Variants in REEP1 observed in about 807,000 individuals in gnomAD.
REEP1 encodes the protein receptor accessory protein 1.
In REEP1, 22 loss-of-function variants were observed where a neutral mutation model predicts 40.3. The observed-to-expected ratio is 0.55, with a 90% confidence interval of 0.39 to 0.78. The LOEUF (loss-of-function observed/expected upper bound fraction) is 0.78, where lower values mean the gene tolerates loss of function less well. Ranked by LOEUF, REEP1 falls within the 30% of genes least tolerant of loss-of-function variation. REEP1 has a pLI of 0.00. For missense variants in REEP1, 280 were observed against 361.1 expected (o/e 0.78, Z 1.82); for synonymous variants, 116 against 139.2 (o/e 0.83, Z 1.17).
intron 2 of REEP1, among the ~76,000 whole-genome samples, chr2:86,281,180 G>A (rs540653773): frequency 4.6e-5 from 7 of 151,892 alleles, no homozygotes; most frequent in African/African-American, 9.7e-5. Context: ...CTCAGTCAGC[G>A]GTGGTCTAAT....
chr2:86,245,312 T>C (rs1277319289), intron 5 of REEP1, among the ~76,000 whole-genome samples: 1 of 152,186 alleles, frequency 6.6e-6, no homozygotes, highest in African/African-American at 2.4e-5. Flanking sequence ...CTAACTGCCA[T>C]CATGTTCCCA....
chr2:86,225,029 G>A (rs1487730420), intron 7 of REEP1, among the ~76,000 whole-genome samples: 1 of 152,200 alleles, frequency 6.6e-6, no homozygotes, highest in East Asian at 1.9e-4. Flanking sequence ...AGAAATCCCT[G>A]CAATTGCCTG....
At chr2:86,232,491 G>A (rs1675073921) in intron 6 of REEP1, 134 bp downstream of exon 6, 1 of 1,099,612 alleles carries the variant, frequency 9.1e-7, no homozygotes, top group African/African-American at 1.5e-5. Context: ...GACCTGGCAT[G>A]ATCTGATGGA....
chr2:86,280,908 T>A (rs1678047359), intron 2 of REEP1, among the ~76,000 whole-genome samples: 1 of 152,168 alleles, frequency 6.6e-6, no homozygotes, highest in African/African-American at 2.4e-5. Context: ...GAATTGTTTC[T>A]TTACCTTCGC....
chr2:86,267,011 GA>G (rs57603152), intron 2 of REEP1, among the ~76,000 whole-genome samples: 9,920 of 100,632 alleles, frequency 0.099, 503 homozygotes, highest in African/African-American at 0.16. Flanking sequence ...TGTCTCAGGG[GA>G]AAAAAAAAAC....
At chr2:86,219,457 T>C (rs1045917498) in intron 8 of REEP1, among the ~76,000 whole-genome samples, 10 of 146,092 alleles carry the variant, frequency 6.8e-5, no homozygotes, top group African/African-American at 2.2e-4. Context: ...TTTTCTTTTT[T>C]TTTTTTTTTT....
Position 86,217,044 on chromosome 2 carries a change from T to C in REEP1, c.850A>G (p.Thr284Ala), listed in dbSNP as rs575503861. 1 of 1,613,648 alleles carries C rather than the reference T, an allele frequency of 6.2e-7. No individual in the cohort carries two copies. Among genetic ancestry groups the C allele is most frequent in the South Asian group, 1.1e-5 (1 of 91,056 alleles). Residue 284 changes from threonine to alanine, a missense_variant, in exon 9 of 9, where the codon ACG becomes GCG. Thr to Ala is a moderately conservative substitution (Grantham distance 58). Coordinates refer to ENST00000538924, the MANE Select transcript of REEP1 (RefSeq NM_001371279.1). ...GTGCTGTTGGCTCATCTCACTCACG[T>C]GGTTTCGGTGGCCGAGGATGAGGTA... ...KSTSSSATET[T>A]
chr2:86,263,088 T>A (rs755685495), intron 3 of REEP1, among the ~76,000 whole-genome samples: 18 of 152,226 alleles, frequency 1.2e-4, no homozygotes, highest in Non-Finnish European at 2.4e-4. Context: ...TAGGTAGATG[T>A]ATTTATGCTC....
intron 1 of REEP1, among the ~76,000 whole-genome samples, chr2:86,333,864 TCTTC>T (rs1483900465): frequency 3.3e-5 from 5 of 152,230 alleles, no homozygotes; most frequent in Admixed American, 1.3e-4. Context: ...ACTGAGTATC[TCTTC>T]CTTAATTCTT....
At chr2:86,245,271 G>C (rs186310520) in intron 5 of REEP1, among the ~76,000 whole-genome samples, 97 of 152,318 alleles carry the variant, frequency 6.4e-4, no homozygotes, top group African/African-American at 2.3e-3. Flanking sequence ...GTTGTGGAAA[G>C]CCACAAGAGG....
chr2:86,297,408 G>A (rs1273277541), intron 1 of REEP1, among the ~76,000 whole-genome samples: 3 of 152,376 alleles, frequency 2.0e-5, no homozygotes, highest in Admixed American at 2.0e-4. Context: ...ACTTGAAAAT[G>A]GAAATGCTGC....
At chr2:86,251,848 A>T (rs781071535) in intron 5 of REEP1, 109 bp downstream of exon 5, 2 of 835,642 alleles carry the variant, frequency 2.4e-6, no homozygotes, top group Admixed American at 3.5e-5. Context: ...CTAAAAGATG[A>T]AAAACCACTG....
At chr2:86,283,684 G>A (rs1574079446) in intron 1 of REEP1, among the ~76,000 whole-genome samples, 1 of 152,234 alleles carries the variant, frequency 6.6e-6, no homozygotes, top group Non-Finnish European at 1.5e-5. Context: ...GGAGAGGGCT[G>A]TTAACTCTTG....
chr2:86,281,161 C>T (rs1196348635), intron 2 of REEP1, among the ~76,000 whole-genome samples: 1 of 152,282 alleles, frequency 6.6e-6, no homozygotes, highest in East Asian at 1.9e-4. Flanking sequence ...ACCCACCCAG[C>T]AGGTCTTTCT....
intron 1 of REEP1, among the ~76,000 whole-genome samples, chr2:86,286,340 G>C (rs1472581651): frequency 2.0e-5 from 3 of 152,206 alleles, no homozygotes; most frequent in Non-Finnish European, 4.4e-5. Flanking sequence ...GGCAGCCAGT[G>C]AGTAGAGGCC....
chr2:86,335,577 G>A (rs1438316428), intron 1 of REEP1, among the ~76,000 whole-genome samples: 10 of 152,156 alleles, frequency 6.6e-5, no homozygotes, highest in Non-Finnish European at 1.2e-4. Context: ...GGAGCCGGGC[G>A]TGGTAGCTCA....
intron 1 of REEP1, among the ~76,000 whole-genome samples, chr2:86,310,727 C>G (rs973843269): frequency 8.6e-5 from 13 of 151,732 alleles, no homozygotes; most frequent in Admixed American, 2.0e-4. Flanking sequence ...CTCTCTCTCT[C>G]TGTGTATGTG....
chr2:86,302,493 C>A (rs1431507413), intron 1 of REEP1, among the ~76,000 whole-genome samples: 7 of 152,172 alleles, frequency 4.6e-5, no homozygotes, highest in African/African-American at 1.4e-4. Context: ...TGTTGCTATC[C>A]TCTGATCCAG....
In REEP1 at chr2:86,221,953, A is replaced by C. The variant is rs576242983; in HGVS notation, c.632-1832T>G. ...CAGCTCCACCCCAGCAGCCAACTCC[A>C]TGACATGGAAGTGGGGTGGGTACCG... On this transcript the variant is annotated intron_variant, in intron 7 of 8. Coordinates refer to ENST00000538924, the MANE Select transcript of REEP1 (RefSeq NM_001371279.1). Among the ~76,000 whole-genome samples the C allele has an allele frequency of 3.0e-4, 46 of 152,250 alleles. 1 individual carries two copies. Among genetic ancestry groups the C allele is most frequent in the Admixed American group, 2.7e-3 (41 of 15,294 alleles).
Sources: allele counts gnomAD v4.1 joint callset (sites outside exome capture counted in the v4.1 genomes callset), GRCh38; gene constraint gnomAD v4.1.1; transcripts MANE v1.5; gene names NCBI Gene and HGNC (gene_info 2026-07-23, HGNC 2026-07-21).